Variants in NRP1 observed in about 807,000 individuals in gnomAD.
The protein encoded by NRP1 is neuropilin-1.
NRP1 carries 35 observed loss-of-function variants against 106.7 expected under a neutral mutation model. The ratio of observed to expected loss-of-function variants is 0.33; its 90% CI spans 0.25 to 0.43. The LOEUF (loss-of-function observed/expected upper bound fraction) is 0.43. NRP1 is among the 20% of genes least tolerant of loss of function. NRP1 has a pLI of 1.00. For missense variants in NRP1, 1,024 were observed against 1,170.4 expected, an observed-to-expected ratio of 0.87 and a Z score of 1.83; for synonymous variants, 437 against 417.9, an observed-to-expected ratio of 1.05 and a Z score of -0.56.
chr10:33,273,958 T>C (rs1843500263), intron 2 of NRP1, among the ~76,000 whole-genome samples: 1 of 151,966 alleles, frequency 6.6e-6, no homozygotes, highest in African/African-American at 2.4e-5. Flanking sequence ...CTTACCACCC[T>C]CGGAATGTAA....
intron 1 of NRP1, among the ~76,000 whole-genome samples, chr10:33,331,289 T>C (rs1161513488): frequency 6.6e-6 from 1 of 152,268 alleles, no homozygotes; most frequent in Admixed American, 6.5e-5. Flanking sequence ...TGAAAGATGC[T>C]GTTCGACCCC....
intron 2 of NRP1, among the ~76,000 whole-genome samples, chr10:33,277,328 C>T (rs1267917817): frequency 1.3e-5 from 2 of 152,144 alleles, no homozygotes; most frequent in Non-Finnish European, 2.9e-5. Flanking sequence ...TGCTCGGGGA[C>T]CTCATGACTA....
intron 10 of NRP1, among the ~76,000 whole-genome samples, chr10:33,204,284 G>T (rs1306794540): frequency 2.6e-5 from 4 of 152,046 alleles, no homozygotes; most frequent in Non-Finnish European, 5.9e-5. Context: ...TACGGCACAT[G>T]GAGAAACAGA....
intron 2 of NRP1, among the ~76,000 whole-genome samples, chr10:33,323,498 T>C (rs1386456576): frequency 6.6e-6 from 1 of 152,156 alleles, no homozygotes; most frequent in Non-Finnish European, 1.5e-5. Context: ...GAGCTCTGAA[T>C]GAATGTGCTT....
intron 12 of NRP1, chr10:33,194,487 T>G: frequency 3.9e-6 from 1 of 257,766 alleles, no homozygotes; most frequent in South Asian, 4.7e-5. Flanking sequence ...TGTAGGAACT[T>G]GGATATTTTT....
At chr10:33,262,051 C>A (rs1842611175) in intron 4 of NRP1, among the ~76,000 whole-genome samples, 1 of 152,156 alleles carries the variant, frequency 6.6e-6, no homozygotes, top group Admixed American at 6.5e-5. Context: ...TTTACTTATT[C>A]TTCATGTACA....
chr10:33,266,541 T>G (rs1842929404), intron 3 of NRP1, among the ~76,000 whole-genome samples: 1 of 152,268 alleles, frequency 6.6e-6, no homozygotes, highest in African/African-American at 2.4e-5. Flanking sequence ...ATTTTCCTTA[T>G]TCACTGTTGT....
intron 3 of NRP1, among the ~76,000 whole-genome samples, chr10:33,269,198 T>G (rs947081563): frequency 4.6e-5 from 7 of 152,344 alleles, no homozygotes; most frequent in African/African-American, 1.7e-4. Context: ...GAAGGCTGAA[T>G]TTCACACACA....
intron 16 of NRP1, among the ~76,000 whole-genome samples, chr10:33,180,968 A>T (rs1215743827): frequency 1.3e-5 from 2 of 152,248 alleles, no homozygotes; most frequent in Non-Finnish European, 2.9e-5. Context: ...ATGTAAACAG[A>T]GTGTGGCTCA....
At chr10:33,214,161 A>G (rs987710642) in intron 8 of NRP1, among the ~76,000 whole-genome samples, 2 of 152,164 alleles carry the variant, frequency 1.3e-5, no homozygotes, top group African/African-American at 4.8e-5. Flanking sequence ...AAAGAGAACG[A>G]ATGCATACTC....
At chr10:33,234,695 G>GA (rs1840423637) in intron 6 of NRP1, among the ~76,000 whole-genome samples, 1 of 152,128 alleles carries the variant, frequency 6.6e-6, no homozygotes, top group Non-Finnish European at 1.5e-5. Flanking sequence ...CGCAAGGCAG[G>GA]AAAAATCTCA....
intron 2 of NRP1, among the ~76,000 whole-genome samples, chr10:33,297,381 T>C (rs1205818775): frequency 6.6e-6 from 1 of 152,202 alleles, no homozygotes; most frequent in Non-Finnish European, 1.5e-5. Flanking sequence ...TCCTACCTTA[T>C]ATCTTACGTG....
intron 2 of NRP1, among the ~76,000 whole-genome samples, chr10:33,310,541 G>A (rs1000360430): frequency 2.0e-5 from 3 of 152,076 alleles, no homozygotes; most frequent in African/African-American, 4.8e-5. Flanking sequence ...GTGAGCCACC[G>A]CGCCCAGCTG....
At chr10:33,285,547 A>T (rs185181466) in intron 2 of NRP1, among the ~76,000 whole-genome samples, 5 of 152,276 alleles carry the variant, frequency 3.3e-5, no homozygotes, top group African/African-American at 1.2e-4. Flanking sequence ...TCAAAACCCT[A>T]CAGGAAGGGG....
intron 10 of NRP1, among the ~76,000 whole-genome samples, chr10:33,203,520 A>ACAC (rs1837510594): frequency 6.6e-6 from 1 of 151,816 alleles, no homozygotes; most frequent in African/African-American, 2.4e-5. Flanking sequence ...CAAAAAAACT[A>ACAC]AAAAAACAGT....
chr10:33,285,726 T>C (rs139618249), intron 2 of NRP1, among the ~76,000 whole-genome samples: 5 of 152,000 alleles, frequency 3.3e-5, no homozygotes, highest in African/African-American at 1.2e-4. Context: ...TACTCTACTC[T>C]GGAGGCTGAG....
At chr10:33,197,958 T>C (rs1250002652) in intron 11 of NRP1, among the ~76,000 whole-genome samples, 1 of 151,848 alleles carries the variant, frequency 6.6e-6, no homozygotes, top group East Asian at 1.9e-4. Context: ...TTGTCTAAAT[T>C]AACAAATGGA....
intron 2 of NRP1, among the ~76,000 whole-genome samples, chr10:33,285,470 A>T (rs1338595203): frequency 2.6e-5 from 4 of 152,124 alleles, no homozygotes; most frequent in Non-Finnish European, 5.9e-5. Flanking sequence ...ATGATGAGAA[A>T]TTTTTTCGTG....
In NRP1 at chr10:33,197,657, T is replaced by C; in HGVS notation, c.1917A>G (p.Ile639Met). ...TCGTATTTTATTTGATACCTGATTG[T>C]ATGGTGCTGTCTATGACCGTGGGCT... The part of the protein sequence containing the change: ...TEKPTVIDST[I>M]QSEFPTYGFN... The change falls in exon 12 of 17, where the codon ATA becomes ATG. Residue 639 changes from isoleucine to methionine, a missense_variant. Ile to Met is a conservative substitution (Grantham distance 10). Coordinates refer to ENST00000374867, the MANE Select transcript of NRP1 (RefSeq NM_003873.7). The C allele has an allele frequency of 6.2e-7, 1 of 1,603,398 alleles. No individual in the cohort carries two copies. Among genetic ancestry groups the C allele is most frequent in the Non-Finnish European group, 8.5e-7 (1 of 1,174,636 alleles).
Sources: allele counts gnomAD v4.1 joint callset (sites outside exome capture counted in the v4.1 genomes callset), GRCh38; gene constraint gnomAD v4.1.1; transcripts MANE v1.5; gene names NCBI Gene and HGNC (gene_info 2026-07-23, HGNC 2026-07-21).